RALYL: variants seen among roughly 807,000 people sequenced by gnomAD.
The protein encoded by RALYL is RALY RNA binding protein like.
In RALYL, 29 loss-of-function variants were observed where a neutral mutation model predicts 35.1. The ratio of observed to expected loss-of-function variants is 0.83; its 90% CI spans 0.61 to 1.13. The LOEUF is 1.13. Ranked by LOEUF, RALYL falls within the 50% of genes most tolerant of loss-of-function variation. The pLI, the probability that RALYL is intolerant of heterozygous loss-of-function variation, is 0.00. For synonymous variants in RALYL, 120 were observed against 127.6 expected, an observed-to-expected ratio of 0.94 and a Z score of 0.40; for missense variants, 359 against 360.4, an observed-to-expected ratio of 1.00 and a Z score of 0.03.
chr8:84,864,345 T>C (rs7016600), intron 6 of RALYL, among the ~76,000 whole-genome samples: 139,650 of 152,180 alleles, frequency 0.92, 64,210 homozygotes, highest in African/African-American at 0.98. Flanking sequence ...TGGAACTGTG[T>C]ATCCTAGAGT....
At chr8:84,681,258 G>T (rs972562714) in intron 2 of RALYL, among the ~76,000 whole-genome samples, 7 of 152,170 alleles carry the variant, frequency 4.6e-5, no homozygotes, top group African/African-American at 9.7e-5. Flanking sequence ...CCGTAGCCTT[G>T]TAGTATAGTT....
chr8:84,259,711 A>G (rs145604785), intron 1 of RALYL, among the ~76,000 whole-genome samples: 141 of 152,248 alleles, frequency 9.3e-4, no homozygotes, highest in African/African-American at 3.1e-3. Context: ...TTATCTTTTT[A>G]TCCCACCTTT....
intron 1 of RALYL, among the ~76,000 whole-genome samples, chr8:84,495,107 G>A (rs2055857186): frequency 6.6e-6 from 1 of 152,068 alleles, no homozygotes; most frequent in South Asian, 2.1e-4. Flanking sequence ...TTAATGTGAA[G>A]GGATGTTGAA....
chr8:84,437,487 T>C (rs999859688), intron 1 of RALYL, among the ~76,000 whole-genome samples: 1 of 152,178 alleles, frequency 6.6e-6, no homozygotes, highest in Non-Finnish European at 1.5e-5. Flanking sequence ...CACATAAGCA[T>C]TCCCATTTCT....
At chr8:84,355,919 AT>A (rs1181464057) in intron 1 of RALYL, among the ~76,000 whole-genome samples, 1 of 150,060 alleles carries the variant, frequency 6.7e-6, no homozygotes, top group Non-Finnish European at 1.5e-5. Context: ...TGCATGTTGA[AT>A]TGGAGGAGGG....
intron 1 of RALYL, among the ~76,000 whole-genome samples, chr8:84,222,899 G>T (rs1302589614): frequency 6.6e-6 from 1 of 152,144 alleles, no homozygotes; most frequent in African/African-American, 2.4e-5. Flanking sequence ...TGAAAAGGTA[G>T]CCTTGTAGGA....
At position 84,680,801 on chromosome 8, in the gene RALYL, G is replaced by A. The variant is rs539187687; in HGVS notation, c.257-93778G>A. Among the ~76,000 whole-genome samples, 21 of 151,574 alleles carry A rather than the reference G, an allele frequency of 1.4e-4. No homozygotes were observed. The East Asian group carries it at 3.9e-3, about 28-fold the overall frequency. ...AAAATTTTCTCCCATTCTGTAGGTT[G>A]CTTGTTCACTCTGTTGGTAGTTTCT... On this transcript the variant is annotated intron_variant, in intron 2 of 8. Transcript: ENST00000521268.
At position 84,663,295 on chromosome 8, in the gene RALYL, C is replaced by T. The variant is rs150504866; in HGVS notation, c.257-111284C>T. Among the ~76,000 whole-genome samples, 110 of 152,170 alleles carry T rather than the reference C, an allele frequency of 7.2e-4. No individual in the cohort carries two copies. In the East Asian group the frequency reaches 0.017, roughly 23 times the overall value. ...TGTGAAAAGTGCTGCAGTGAACATA[C>T]GTGTGCATGTATCTTTATAATAGAA... On this transcript the variant is annotated intron_variant, in intron 2 of 8. Coordinates refer to ENST00000521268, the MANE Select transcript of RALYL (RefSeq NM_173848.7).
rs1840305351 is a variant in RALYL at position 84,702,147 on chromosome 8, A to G, written c.257-72432A>G. ...GCATATAACATTTAGAAAAGACCTC[A>G]GCACCTAATGAACATTCTCTAAATT... On this transcript the variant is annotated intron_variant, in intron 2 of 8. Coordinates refer to ENST00000521268, the MANE Select transcript of RALYL (RefSeq NM_173848.7). Among the ~76,000 whole-genome samples the G allele has an allele frequency of 2.0e-5, 3 of 152,310 alleles. No homozygotes were observed. In the South Asian group the frequency reaches 6.2e-4, roughly 32 times the overall value.
intron 2 of RALYL, among the ~76,000 whole-genome samples, chr8:84,738,085 A>G (rs912845003): frequency 6.6e-6 from 1 of 152,028 alleles, no homozygotes; most frequent in Non-Finnish European, 1.5e-5. Flanking sequence ...AAAGATTCAG[A>G]TAAGTAAGTC....
intron 1 of RALYL, among the ~76,000 whole-genome samples, chr8:84,390,586 G>C (rs184546654): frequency 0.012 from 1,801 of 152,092 alleles, 40 homozygotes; most frequent in African/African-American, 0.041. Context: ...TGTATGTGTC[G>C]AGGAATTTAT....
intron 2 of RALYL, among the ~76,000 whole-genome samples, chr8:84,593,832 A>G (rs1800217894): frequency 1.3e-5 from 2 of 152,044 alleles, no homozygotes; most frequent in Non-Finnish European, 2.9e-5. Flanking sequence ...TACCTCCATA[A>G]CTGCCTAAAC....
At chr8:84,399,784 T>C (rs893878530) in intron 1 of RALYL, among the ~76,000 whole-genome samples, 1 of 152,210 alleles carries the variant, frequency 6.6e-6, no homozygotes, top group Non-Finnish European at 1.5e-5. Context: ...AGTTTACCTG[T>C]TGTTAGAAGG....
At chr8:84,349,858 G>T (rs1850560415) in intron 1 of RALYL, among the ~76,000 whole-genome samples, 1 of 150,124 alleles carries the variant, frequency 6.7e-6, no homozygotes, top group Non-Finnish European at 1.5e-5. Context: ...ATGAGGTTAG[G>T]CCTGAGCCAA....
At chr8:84,432,225 C>A (rs317945) in intron 1 of RALYL, among the ~76,000 whole-genome samples, 1 of 152,018 alleles carries the variant, frequency 6.6e-6, no homozygotes. Context: ...CTGTCATATG[C>A]AACAACATGG....
intron 1 of RALYL, among the ~76,000 whole-genome samples, chr8:84,321,114 C>T (rs376065047): frequency 1.2e-4 from 18 of 151,856 alleles, no homozygotes; most frequent in African/African-American, 1.9e-4. Context: ...TAGATGGAAA[C>T]GGAAGTGAAT....
intron 2 of RALYL, among the ~76,000 whole-genome samples, chr8:84,575,249 A>T (rs916931860): frequency 6.6e-6 from 1 of 152,210 alleles, no homozygotes. Context: ...GTTTATAAAC[A>T]TAAACATAAA....
intron 2 of RALYL, among the ~76,000 whole-genome samples, chr8:84,685,046 A>G (rs923864830): frequency 1.3e-5 from 2 of 152,054 alleles, no homozygotes; most frequent in African/African-American, 4.8e-5. Context: ...GTCTTTCCTT[A>G]TGAAGGCACT....
chr8:84,837,972 C>A (rs1832377909), intron 4 of RALYL, among the ~76,000 whole-genome samples: 1 of 152,090 alleles, frequency 6.6e-6, no homozygotes, highest in Non-Finnish European at 1.5e-5. Context: ...ATTTTATTAT[C>A]ATTTTTGTTT....
Sources: gnomAD v4.1 joint callset for allele counts (sites outside exome capture counted in the v4.1 genomes callset) on GRCh38, gnomAD v4.1.1 for gene constraint, MANE v1.5 for transcripts, NCBI Gene and HGNC (gene_info 2026-07-23, HGNC 2026-07-21) for gene names.